The following SBK2 variants were observed in gnomAD, a reference collection of about 807,000 sequenced individuals.
The protein encoded by SBK2 is SH3 domain binding kinase family member 2.
In SBK2, 18 loss-of-function variants were observed where a neutral mutation model predicts 15.9. The ratio of observed to expected loss-of-function variants is 1.13; its 90% CI spans 0.78 to 1.68. SBK2 has a LOEUF of 1.68. Among genes scored for constraint, SBK2 ranks in the 40% most tolerant of loss-of-function variants. SBK2 has a pLI of 0.00. For synonymous variants in SBK2, 284 were observed against 246.8 expected, an observed-to-expected ratio of 1.15 and a Z score of -1.41; for missense variants, 581 against 510.9, an observed-to-expected ratio of 1.14 and a Z score of -1.32.
At chr19:55,532,917 C>A (rs186162409) in intron 2 of SBK2, among the ~76,000 whole-genome samples, 192 of 151,758 alleles carry the variant, frequency 1.3e-3, no homozygotes, top group Non-Finnish European at 2.5e-3. Flanking sequence ...CTTGGCCTCC[C>A]AAAGTGCTGG....
rs1988216971 is a variant in SBK2, at chr19:55,530,190, C to CGGCA, written c.586_589dup (p.Arg197LeufsTer303). 2.0e-6 allele frequency: 3 copies of CGGCA among 1,532,274 alleles called. No homozygotes were observed. The highest frequency in any genetic ancestry group is 2.6e-6 in the Non-Finnish European group (3 of 1,139,986). The allele number at this position is 1,532,274 out of a possible 1,614,324, so 94.9% of individuals were successfully genotyped here. On this transcript the variant is annotated frameshift_variant, in exon 4 of 4. Coordinates refer to ENST00000413299, the MANE Select transcript of SBK2 (RefSeq NM_001370096.2). LOFTEE classifies it low-confidence loss of function (END_TRUNC). ...GCCGAAGTCGGTCAGCTTGAAGCGC[C>CGGCA]GGCAGGCCGGGTCGCACACCAGGAC...
At chr19:55,534,704 CAAAAA>C (rs35461460) in intron 2 of SBK2, among the ~76,000 whole-genome samples, 48 of 82,600 alleles carry the variant, frequency 5.8e-4, no homozygotes, top group Middle Eastern at 0.01. Context: ...GACCCTGTCT[CAAAAA>C]AAAAAAAAAA....
At position 55,530,118 on chromosome 19, in the gene SBK2, A is replaced by C. The variant is rs537823935; in HGVS notation, c.662T>G (p.Ile221Ser). The change falls in exon 4 of 4, where the codon ATC (isoleucine) becomes AGC (serine). Residue 221 changes from isoleucine (I) to serine (S), a missense_variant. By Grantham distance (142) the Ile-to-Ser change is moderately radical. Coordinates refer to ENST00000413299, the MANE Select transcript of SBK2 (RefSeq NM_001370096.2). ...GTLLRLAGPP[I>S]PYTAPELCAP... ...GCAGAGCTCGGGGGCCGTGTAGGGG[A>C]TGGGCGGCCCGGCCAGGCGCAGCAG... The C allele has an allele frequency of 2.7e-4, 395 of 1,457,952 alleles. No individual in the cohort carries two copies. In the African/African-American group the frequency reaches 5.1e-3, roughly 19 times the overall value. The allele number at this position is 1,457,952 out of a possible 1,614,324, so 90.3% of individuals were successfully genotyped here. A position where few individuals can be genotyped will look rare whatever the true frequency, so the allele number is the denominator to read the frequency against.
chr19:55,529,833 C>G lies in SBK2; in HGVS notation c.947G>C (p.Ser316Thr), dbSNP rs1252780083. The G allele has an allele frequency of 6.2e-7, 1 of 1,604,074 alleles. No homozygotes were observed. Among genetic ancestry groups the G allele is most frequent in the South Asian group, 1.1e-5 (1 of 91,046 alleles). ...GTGCTCCCTGATGGCGATCACAGCGCTCCTCCTTCGGGGGTGAGGGTCCAG... is the reference window on the plus strand; with the variant it reads ...GTGCTCCCTGATGGCGATCACAGCGGTCCTCCTTCGGGGGTGAGGGTCCAG... ...GLLDPHPRRR[S>T]AVIAIREHLG... Residue 316 changes from serine (S) to threonine (T), a missense_variant, in exon 4 of 4, where the codon AGC (serine) becomes ACC (threonine). Physicochemically the swap from Ser to Thr is moderately conservative, Grantham distance 58 (BLOSUM62 1). Transcript: ENST00000413299.
intron 2 of SBK2, among the ~76,000 whole-genome samples, chr19:55,534,704 C>CAAAAAAAAAAAA (rs35461460): frequency 2.7e-4 from 22 of 82,408 alleles, no homozygotes; most frequent in East Asian, 3.6e-4. Context: ...GACCCTGTCT[C>CAAAAAAAAAAAA]AAAAAAAAAA....
In SBK2 at chr19:55,533,416, G is replaced by T. The variant is rs559558608; in HGVS notation, c.254-2071C>A. On this transcript the variant is annotated intron_variant, in intron 2 of 3. Transcript: ENST00000413299. ...TAATCCCAGCACTTTGGGAGGCCCA[G>T]GTGGGTGGATCACTTGAGGTCAGGA... is the stretch of plus-strand genomic sequence containing the variant. Among the ~76,000 whole-genome samples, 16 of 151,822 alleles carry T rather than the reference G, an allele frequency of 1.1e-4. 1 individual carries two copies. In the South Asian group the frequency reaches 3.1e-3, roughly 30 times the overall value.
rs114056464 is a variant in SBK2 at position 55,536,300 on chromosome 19, C to T, written c.-2-4G>A. The T allele has an allele frequency of 6.5e-4, 1,001 of 1,546,758 alleles. 3 individuals carry two copies. In the Middle Eastern group the frequency reaches 0.016, roughly 24 times the overall value. On this transcript the variant is annotated splice_polypyrimidine_tract_variant and splice_region_variant and intron_variant, in intron 1 of 3. Transcript: ENST00000413299. The stretch of plus-strand genomic sequence containing the variant: ...TCAGACTGTTTGCCGGGCATCTCTG[C>T]GAGAACAGAGAGGGGTGCCCAGGCT...
chr19:55,530,065 G>T lies in SBK2; in HGVS notation c.715C>A (p.Pro239Thr). The change falls in exon 4 of 4, where the codon CCC becomes ACC. Residue 239 changes from proline (P) to threonine (T), a missense_variant. Pro to Thr is a conservative substitution (Grantham distance 38). Transcript: ENST00000413299. ...CAGGCGTCCAGGGCGGGCTGAATGG[G>T]CAGGCCCTCGGGGAGCGGCGGGGGC... ...CAPPPLPEGL[P>T]IQPALDAWAL... 1.4e-6 allele frequency: 2 copies of T among 1,453,922 alleles called. No individual in the cohort carries two copies. The highest frequency in any genetic ancestry group is 2.8e-5 in the South Asian group (2 of 71,346). The allele number at this position is 1,453,922 out of a possible 1,614,324, so 90.1% of individuals were successfully genotyped here.
Position 55,531,355 on chromosome 19 carries a change from C to T in SBK2, c.254-10G>A. ...AGTGCCAGGGGTGTGCCTGGGGCAG[C>T]AGGGACAGGTATGGGAGGCGTGCAG... On this transcript the variant is annotated splice_polypyrimidine_tract_variant and intron_variant, in intron 2 of 3. Transcript: ENST00000413299. The T allele has an allele frequency of 6.3e-7, 1 of 1,591,488 alleles. No individual in the cohort carries two copies. The highest frequency in any genetic ancestry group is 8.5e-7 in the Non-Finnish European group (1 of 1,169,658).
rs779600909 is a variant in SBK2 at position 55,536,071 on chromosome 19, C to T, written c.224G>A (p.Arg75His). The T allele has an allele frequency of 1.1e-5, 17 of 1,497,126 alleles. No individual in the cohort carries two copies. Among genetic ancestry groups the T allele is most frequent in the South Asian group, 8.0e-5 (6 of 74,622 alleles). The allele number at this position is 1,497,126 out of a possible 1,614,324, so 92.7% of individuals were successfully genotyped here. Residue 75 changes from arginine to histidine, a missense_variant, in exon 2 of 4, where the codon CGC becomes CAC. Arg to His is a conservative substitution (Grantham distance 29). Transcript: ENST00000413299. ...VRPLGQGCYG[R>H]VLLVTHRQKG... ...CTGACGATGGGTGACCAGAAGGACGCGGCCATAGCAACCCTGGCCCAGGGG... is the reference window on the plus strand; with the variant it reads ...CTGACGATGGGTGACCAGAAGGACGTGGCCATAGCAACCCTGGCCCAGGGG...
At chr19:55,533,993 C>A (rs1369846591) in intron 2 of SBK2, among the ~76,000 whole-genome samples, 1 of 152,204 alleles carries the variant, frequency 6.6e-6, no homozygotes, top group Non-Finnish European at 1.5e-5. Flanking sequence ...ATGCCCCCGC[C>A]TGTTACTGCT....
intron 2 of SBK2, among the ~76,000 whole-genome samples, chr19:55,531,603 A>G (rs1988269293): frequency 6.6e-6 from 1 of 152,230 alleles, no homozygotes; most frequent in African/African-American, 2.4e-5. Context: ...CAGCGCTTTC[A>G]GAGACCGAGG....
rs1323948823 is a variant in SBK2 at position 55,530,246 on chromosome 19, G to A, written c.534C>T (p.Gly178=). The stretch of plus-strand genomic sequence containing the variant: ...CCGGCTTCAGGTCCCGGTACACCAG[G>A]CCGCGGGCGTGGATGTACTCCAGGG... ...ASALEYIHAR[G]LVYRDLKPEN... Residue 178 remains glycine, a synonymous_variant, in exon 4 of 4, where the codon GGC becomes GGT. Coordinates refer to ENST00000413299, the MANE Select transcript of SBK2 (RefSeq NM_001370096.2). The A allele has an allele frequency of 2.0e-6, 3 of 1,519,458 alleles. No homozygotes were observed. The highest frequency in any genetic ancestry group is 2.6e-6 in the Non-Finnish European group (3 of 1,134,110). 94.1% of individuals were successfully genotyped at this position (1,519,458 alleles called of 1,614,324 possible). A position where few individuals can be genotyped will look rare whatever the true frequency, so the allele number is the denominator to read the frequency against.
chr19:55,535,111 C>T (rs35385312), intron 2 of SBK2, among the ~76,000 whole-genome samples: 10,105 of 152,220 alleles, frequency 0.066, 353 homozygotes, highest in Non-Finnish European at 0.082. Flanking sequence ...TGAATGCACA[C>T]TTTTTCTGCA....
chr19:55,534,345 G>A (rs73061106), intron 2 of SBK2, among the ~76,000 whole-genome samples: 3,688 of 152,216 alleles, frequency 0.024, 73 homozygotes, highest in East Asian at 0.11. Flanking sequence ...AAGGAGAGAG[G>A]CCTCAGGAGA....
At position 55,529,881 on chromosome 19, in the gene SBK2, GCC is replaced by G; in HGVS notation, c.897_898del (p.Ala300ArgfsTer198). The G allele has an allele frequency of 6.3e-7, 1 of 1,587,674 alleles. No homozygotes were observed. The highest frequency in any genetic ancestry group is 8.5e-7 in the Non-Finnish European group (1 of 1,170,238). On this transcript the variant is annotated frameshift_variant, in exon 4 of 4. Transcript: ENST00000413299. LOFTEE classifies it low-confidence loss of function (END_TRUNC). ...CAGCAGCCCCCGCAGAAGCGCGTCG[GCC>G]GCGGCGGCCAGGCCGAACCAGGGCT...
Position 55,529,929 on chromosome 19 carries a change from C to G in SBK2, c.851G>C (p.Gly284Ala). ...YEDFLIWQAS[G>A]QPRDRPQPWF... ...GGGCTGAGGGCGGTCCCGGGGCTGG[C>G]CCGACGCCTGCCAGATGAGGAAGTC... Residue 284 changes from glycine (G) to alanine (A), a missense_variant, in exon 4 of 4, where the codon GGC (glycine) becomes GCC (alanine). By Grantham distance (60) the Gly-to-Ala change is moderately conservative. Transcript: ENST00000413299. 2.0e-6 allele frequency: 3 copies of G among 1,529,082 alleles called. No homozygotes were observed. The highest frequency in any genetic ancestry group is 2.6e-6 in the Non-Finnish European group (3 of 1,141,356). The allele number at this position is 1,529,082 out of a possible 1,614,324, so 94.7% of individuals were successfully genotyped here. A position where few individuals can be genotyped will look rare whatever the true frequency, so the allele number is the denominator to read the frequency against.
Position 55,530,304 on chromosome 19 carries a change from G to C in SBK2, c.476C>G (p.Ala159Gly). ...IQPKVGLPQP[A>G]VHRCAAQLAS... The stretch of plus-strand genomic sequence containing the variant: ...CAGCTGGGCGGCGCAGCGGTGCACC[G>C]CGGGCTGCGGGAGGCCCACCTGCGG... The change falls in exon 4 of 4, where the codon GCG (alanine) becomes GGG (glycine). Residue 159 changes from alanine (A) to glycine (G), a missense_variant. Physicochemically the swap from Ala to Gly is moderately conservative, Grantham distance 60. Coordinates refer to ENST00000413299, the MANE Select transcript of SBK2 (RefSeq NM_001370096.2). 1 of 1,417,090 alleles carries C rather than the reference G, an allele frequency of 7.1e-7. No individual in the cohort carries two copies. The highest frequency in any genetic ancestry group is 1.5e-5 in the South Asian group (1 of 64,756). 87.8% of individuals were successfully genotyped at this position (1,417,090 alleles called of 1,614,324 possible).
Position 55,531,248 on chromosome 19 carries a change from TGA to T in SBK2, c.349_350del (p.Ala118HisfsTer380). 1 of 1,613,518 alleles carries T rather than the reference TGA, an allele frequency of 6.2e-7. No individual in the cohort carries two copies. Among genetic ancestry groups the T allele is most frequent in the Non-Finnish European group, 8.5e-7 (1 of 1,179,852 alleles). On this transcript the variant is annotated frameshift_variant, in exon 3 of 4. Coordinates refer to ENST00000413299, the MANE Select transcript of SBK2 (RefSeq NM_001370096.2). LOFTEE classifies it high-confidence loss of function. ...CAATGCCGTAGGCCGTCACGATGGC[TGA>T]GTGCGCGCCCAGCGAGAGCCCCACA... is the stretch of plus-strand genomic sequence containing the variant. ...FCVGLSLGAH[S>X]AIVTAYGIGI... is the part of the protein sequence containing the mutation.
Sources: gnomAD v4.1 joint callset for allele counts (sites outside exome capture counted in the v4.1 genomes callset) on GRCh38, gnomAD v4.1.1 for gene constraint, MANE v1.5 for transcripts, NCBI Gene and HGNC (gene_info 2026-07-23, HGNC 2026-07-21) for gene names.